The following MAGI2 variants were observed in gnomAD, a reference collection of about 807,000 sequenced individuals.
MAGI2 encodes the protein membrane-associated guanylate kinase, WW and PDZ domain-containing protein 2.
MAGI2 carries 35 observed loss-of-function variants against 133.3 expected under a neutral mutation model. The observed-to-expected ratio is 0.26, with a 90% CI of 0.20 to 0.35. MAGI2 has a LOEUF of 0.35. Among genes scored for constraint, MAGI2 ranks in the 10% least tolerant of loss-of-function variants. MAGI2 has a pLI of 1.00. For synonymous variants in MAGI2, 729 were observed against 710.6 expected, an observed-to-expected ratio of 1.03 and a Z score of -0.41; for missense variants, 1,636 against 1,863.4, an observed-to-expected ratio of 0.88 and a Z score of 2.25.
At chr7:79,099,814 T>C (rs1817820428) in intron 1 of MAGI2, among the ~76,000 whole-genome samples, 1 of 152,238 alleles carries the variant, frequency 6.6e-6, no homozygotes, top group Non-Finnish European at 1.5e-5. Context: ...TCTTGTCCTT[T>C]TTTTTGGCTG....
intron 1 of MAGI2, chr7:79,125,312 G>A (rs1820311048): frequency 2.2e-6 from 1 of 463,482 alleles, no homozygotes; most frequent in Admixed American, 2.4e-5. Flanking sequence ...CATCTAGCCA[G>A]AGGTTGGCAT....
At position 78,194,908 on chromosome 7, in the gene MAGI2, G is replaced by A. The variant is rs745670401; in HGVS notation, c.2235C>T (p.Leu745=). The change falls in exon 12 of 22, where the codon CTC becomes CTT. Residue 745 remains leucine (L), a synonymous_variant. Transcript: ENST00000354212. ...FDPRKPDPYE[L]YEKSRAIYES... The stretch of plus-strand genomic sequence containing the variant: ...CATAAATGGCCCTAGATTTCTCGTA[G>A]AGCTCATATGGATCAGGCTTCCGTG... 8.7e-6 allele frequency: 14 copies of A among 1,609,810 alleles called. No individual in the cohort carries two copies. The highest frequency in any genetic ancestry group is 1.1e-5 in the Non-Finnish European group (13 of 1,178,800).
chr7:79,114,305 C>G (rs1267574173), intron 1 of MAGI2, among the ~76,000 whole-genome samples: 3 of 152,154 alleles, frequency 2.0e-5, no homozygotes, highest in African/African-American at 7.2e-5. Context: ...GCAGGTTGAT[C>G]TCTTTAATGG....
intron 2 of MAGI2, among the ~76,000 whole-genome samples, chr7:78,718,241 T>C (rs1056403818): frequency 1.6e-4 from 24 of 152,182 alleles, no homozygotes; most frequent in Admixed American, 9.2e-4. Flanking sequence ...CCATTGTATA[T>C]GCTCACTGTA....
chr7:78,159,954 C>T (rs568218761), intron 16 of MAGI2, 71 bp downstream of exon 16: 160 of 1,490,244 alleles, frequency 1.1e-4, no homozygotes, highest in Admixed American at 4.9e-4. Context: ...TATACTTGTC[C>T]GGTATCTGTA....
intron 9 of MAGI2, among the ~76,000 whole-genome samples, chr7:78,312,202 C>CA (rs1255364987): frequency 6.7e-6 from 1 of 149,696 alleles, no homozygotes; most frequent in East Asian, 1.9e-4. Flanking sequence ...AACTTCATGC[C>CA]AAAAAAAGTT....
At chr7:78,125,890 C>A in intron 19 of MAGI2, 53 bp from the exon 20 acceptor site, 1 of 1,547,048 alleles carries the variant, frequency 6.5e-7, no homozygotes, top group South Asian at 1.1e-5. Flanking sequence ...ATCAGAGAAG[C>A]TTCTGTGGCT....
At chr7:78,918,558 G>C (rs1310852293) in intron 2 of MAGI2, among the ~76,000 whole-genome samples, 1 of 152,078 alleles carries the variant, frequency 6.6e-6, no homozygotes, top group East Asian at 1.9e-4. Context: ...TCCAGCTCTA[G>C]CTTACAGATT....
chr7:78,923,886 C>G (rs1214333810), intron 2 of MAGI2, among the ~76,000 whole-genome samples: 1 of 151,988 alleles, frequency 6.6e-6, no homozygotes, highest in African/African-American at 2.4e-5. Context: ...GTGGTTTGTA[C>G]TTCTCCTTGA....
intron 1 of MAGI2, among the ~76,000 whole-genome samples, chr7:79,087,333 G>T (rs1003134140): frequency 6.6e-6 from 1 of 151,838 alleles, no homozygotes; most frequent in African/African-American, 2.4e-5. Context: ...TATTGGATGA[G>T]TTCTGATTGT....
intron 1 of MAGI2, among the ~76,000 whole-genome samples, chr7:79,444,200 C>T (rs1028109439): frequency 3.9e-5 from 6 of 152,152 alleles, no homozygotes; most frequent in African/African-American, 1.4e-4. Flanking sequence ...AACCCACAGT[C>T]AATATCATAC....
chr7:79,449,482 A>C (rs2129206073), intron 1 of MAGI2, among the ~76,000 whole-genome samples: 1 of 152,208 alleles, frequency 6.6e-6, no homozygotes, highest in African/African-American at 2.4e-5. Context: ...TAGGCCACAA[A>C]GGCCTGTGTA....
At chr7:79,355,893 A>T (rs913358414) in intron 1 of MAGI2, among the ~76,000 whole-genome samples, 3 of 152,216 alleles carry the variant, frequency 2.0e-5, no homozygotes, top group Non-Finnish European at 2.9e-5. Flanking sequence ...TATTTGAGAG[A>T]TTAATATTTT....
intron 20 of MAGI2, among the ~76,000 whole-genome samples, chr7:78,125,282 A>G (rs893299445): frequency 6.6e-6 from 1 of 152,194 alleles, no homozygotes; most frequent in Non-Finnish European, 1.5e-5. Context: ...AAAATTTCCT[A>G]AAAGTCCCGC....
intron 3 of MAGI2, among the ~76,000 whole-genome samples, chr7:78,589,707 C>T (rs560751598): frequency 6.6e-6 from 1 of 152,254 alleles, no homozygotes; most frequent in East Asian, 1.9e-4. Context: ...ATGCTCCATG[C>T]ACGTAGCCAT....
chr7:78,794,453 C>G (rs756732485), intron 2 of MAGI2, among the ~76,000 whole-genome samples: 1 of 152,212 alleles, frequency 6.6e-6, no homozygotes, highest in East Asian at 1.9e-4. Flanking sequence ...AGACAGATAA[C>G]ATAAATTTTG....
chr7:79,353,632 C>T (rs1841831051), intron 1 of MAGI2: 1 of 382,900 alleles, frequency 2.6e-6, no homozygotes, highest in Non-Finnish European at 5.2e-6. Flanking sequence ...GCTGGAGATA[C>T]AGCTGAGATT....
At chr7:78,764,457 A>C (rs1311936717) in intron 2 of MAGI2, among the ~76,000 whole-genome samples, 1 of 152,218 alleles carries the variant, frequency 6.6e-6, no homozygotes, top group Non-Finnish European at 1.5e-5. Flanking sequence ...TGTGAATAAA[A>C]GGTATTTTTG....
intron 1 of MAGI2, among the ~76,000 whole-genome samples, chr7:79,034,423 C>T (rs1810917756): frequency 6.6e-6 from 1 of 152,126 alleles, no homozygotes; most frequent in Non-Finnish European, 1.5e-5. Context: ...TTTCCAGTTG[C>T]TAAAATGCCA....
Sources: gnomAD v4.1 joint callset for allele counts (sites outside exome capture counted in the v4.1 genomes callset) on GRCh38, gnomAD v4.1.1 for gene constraint, MANE v1.5 for transcripts, NCBI Gene and HGNC (gene_info 2026-07-23, HGNC 2026-07-21) for gene names.